The following CSMD1 variants were observed in gnomAD, a reference collection of about 807,000 sequenced individuals.
CSMD1 encodes the protein CUB and Sushi multiple domains 1, also known as CUB and sushi domain-containing protein 1.
A neutral mutation model predicts 417.5 loss-of-function variants in CSMD1; 213 were observed. The ratio of observed to expected loss-of-function variants is 0.51; its 90% CI spans 0.46 to 0.57. The LOEUF is 0.57. Ranked by LOEUF, CSMD1 falls within the 20% of genes least tolerant of loss-of-function variation. The pLI is 0.00. For missense variants in CSMD1, 6,923 were observed against 4,529.7 expected (o/e 1.53, Z -15.17); for synonymous variants, 2,862 against 1,736.8 (o/e 1.65, Z -16.11).
chr8:3,505,302 T>C (rs950719924), intron 10 of CSMD1, among the ~76,000 whole-genome samples: 2 of 152,260 alleles, frequency 1.3e-5, no homozygotes, highest in African/African-American at 2.4e-5. Flanking sequence ...CAAAGATGTG[T>C]GGAGTGACCG....
intron 49 of CSMD1, among the ~76,000 whole-genome samples, chr8:3,080,770 A>G (rs1019639738): frequency 1.3e-5 from 2 of 152,202 alleles, no homozygotes; most frequent in Non-Finnish European, 2.9e-5. Flanking sequence ...TGGGACGTAG[A>G]TATCAAAATC....
At chr8:4,548,556 T>C (rs936177572) in intron 2 of CSMD1, among the ~76,000 whole-genome samples, 4 of 152,180 alleles carry the variant, frequency 2.6e-5, no homozygotes, top group Admixed American at 6.5e-5. Context: ...CTGAATTCAA[T>C]GCACAAGCTT....
chr8:3,529,262 C>G (rs1229193698), intron 10 of CSMD1, among the ~76,000 whole-genome samples: 2 of 152,158 alleles, frequency 1.3e-5, no homozygotes, highest in Non-Finnish European at 2.9e-5. Context: ...AATGCAAGTT[C>G]TTTTCCATGA....
intron 3 of CSMD1, among the ~76,000 whole-genome samples, chr8:4,381,736 C>G (rs1350536327): frequency 6.6e-6 from 1 of 152,092 alleles, no homozygotes; most frequent in Non-Finnish European, 1.5e-5. Flanking sequence ...GGACTTTAGG[C>G]TTCGATGCTA....
intron 10 of CSMD1, among the ~76,000 whole-genome samples, chr8:3,517,008 G>A (rs1415597527): frequency 2.0e-5 from 3 of 152,212 alleles, no homozygotes; most frequent in Admixed American, 6.5e-5. Context: ...CACTGGTTAG[G>A]TGTCATGGTG....
intron 3 of CSMD1, among the ~76,000 whole-genome samples, chr8:4,261,963 A>G (rs1486547661): frequency 6.6e-6 from 1 of 152,186 alleles, no homozygotes. Flanking sequence ...AAAAAAAATT[A>G]AAACCTGAAG....
intron 22 of CSMD1, among the ~76,000 whole-genome samples, chr8:3,344,968 A>G (rs937206081): frequency 6.6e-6 from 1 of 152,220 alleles, no homozygotes; most frequent in Non-Finnish European, 1.5e-5. Flanking sequence ...TTATTAGACG[A>G]GCCGGGGTCT....
chr8:3,700,693 T>C (rs2623585), intron 7 of CSMD1: 145,573 of 152,216 alleles, frequency 0.96, 69,679 homozygotes, highest in East Asian at 1. Context: ...TTTGGGACAT[T>C]ATTTCAGGCT....
Position 3,359,304 on chromosome 8 carries a change from G to A in CSMD1, c.3152C>T (p.Pro1051Leu), listed in dbSNP as rs1388594836. The A allele has an allele frequency of 1.9e-6, 3 of 1,613,662 alleles. No individual in the cohort carries two copies. Among genetic ancestry groups the A allele is most frequent in the Non-Finnish European group, 1.7e-6 (2 of 1,179,870 alleles). The change falls in exon 21 of 70, where the codon CCT (proline) becomes CTT (leucine). Residue 1051 changes from proline (P) to leucine (L), a missense_variant. Pro to Leu is a moderately conservative substitution (Grantham distance 98). Transcript: ENST00000635120. ...AAAACCAATTCTTCGGCTGAAGGCA[G>A]GGACTCCAGGATCATCACATGGCTC... ...DLEPCDDPGVPAFSRRIGFHF... is the reference protein window; with the variant it reads ...DLEPCDDPGVLAFSRRIGFHF...
chr8:3,201,402 G>A (rs569036750), intron 32 of CSMD1, among the ~76,000 whole-genome samples: 3 of 152,170 alleles, frequency 2.0e-5, no homozygotes, highest in Non-Finnish European at 2.9e-5. Flanking sequence ...TGCAATCTTA[G>A]TAAGATGATA....
intron 8 of CSMD1, among the ~76,000 whole-genome samples, chr8:3,607,738 T>G (rs1428263464): frequency 6.6e-6 from 1 of 152,238 alleles, no homozygotes. Flanking sequence ...CAGTCGGTTT[T>G]GCCTATTAAA....
chr8:4,380,807 C>G (rs1399433701), intron 3 of CSMD1, among the ~76,000 whole-genome samples: 2 of 152,098 alleles, frequency 1.3e-5, no homozygotes, highest in African/African-American at 4.8e-5. Flanking sequence ...ATCTTGGGAG[C>G]AAGGCACATT....
At chr8:4,020,254 T>G (rs890281264) in intron 4 of CSMD1, among the ~76,000 whole-genome samples, 1 of 152,210 alleles carries the variant, frequency 6.6e-6, no homozygotes, top group Non-Finnish European at 1.5e-5. Flanking sequence ...CAGTGTCCAA[T>G]TGACAGCACT....
At chr8:3,381,796 C>G (rs1224749150) in intron 18 of CSMD1, among the ~76,000 whole-genome samples, 1 of 152,148 alleles carries the variant, frequency 6.6e-6, no homozygotes, top group African/African-American at 2.4e-5. Context: ...TCCCACGCTA[C>G]AGCCTAGTTA....
chr8:4,984,649 A>G (rs145083513), intron 1 of CSMD1, among the ~76,000 whole-genome samples: 260 of 152,274 alleles, frequency 1.7e-3, no homozygotes, highest in African/African-American at 6.1e-3. Context: ...GCCTTTTGTA[A>G]AGGGGAATGA....
In CSMD1 at chr8:4,420,082, A is replaced by C. The variant is rs1380525828; in HGVS notation, c.303-17T>G. On this transcript the variant is annotated splice_polypyrimidine_tract_variant and intron_variant, in intron 2 of 69. Coordinates refer to ENST00000635120, the MANE Select transcript of CSMD1 (RefSeq NM_033225.6). ...CCCGATAATCTAAATTTAAAAGACAAGACACAAAGAGAGTTAAAAGCATGA... is the reference window on the plus strand; with the variant it reads ...CCCGATAATCTAAATTTAAAAGACACGACACAAAGAGAGTTAAAAGCATGA... 6.6e-7 allele frequency: 1 copy of C among 1,509,566 alleles called. No individual in the cohort carries two copies. Among genetic ancestry groups the C allele is most frequent in the African/African-American group, 1.4e-5 (1 of 71,830 alleles). 93.5% of individuals were successfully genotyped at this position (1,509,566 alleles called of 1,614,324 possible).
intron 1 of CSMD1, among the ~76,000 whole-genome samples, chr8:4,893,099 ATC>A (rs1349906221): frequency 2.6e-5 from 4 of 152,080 alleles, no homozygotes; most frequent in African/African-American, 9.7e-5. Flanking sequence ...ACTGGATATT[ATC>A]TCTCTTTCTA....
At chr8:4,097,132 A>C (rs1295813708) in intron 3 of CSMD1, among the ~76,000 whole-genome samples, 1 of 152,210 alleles carries the variant, frequency 6.6e-6, no homozygotes, top group Admixed American at 6.6e-5. Flanking sequence ...TCTGAGCTGC[A>C]ACGAGCTGTT....
intron 50 of CSMD1, among the ~76,000 whole-genome samples, chr8:3,033,899 G>A (rs192087561): frequency 6.6e-6 from 1 of 152,230 alleles, no homozygotes; most frequent in Non-Finnish European, 1.5e-5. Flanking sequence ...CTCAACTCAA[G>A]AGGATGTGGT....
Sources: gnomAD v4.1 joint callset for allele counts (sites outside exome capture counted in the v4.1 genomes callset) on GRCh38, gnomAD v4.1.1 for gene constraint, MANE v1.5 for transcripts, NCBI Gene and HGNC (gene_info 2026-07-23, HGNC 2026-07-21) for gene names.